The following SUMO2 variants were observed in gnomAD, a reference collection of about 807,000 sequenced individuals.
SUMO2 encodes the protein small ubiquitin-related modifier 2.
A neutral mutation model predicts 16.0 loss-of-function variants in SUMO2; 1 was observed. The ratio of observed to expected loss-of-function variants is 0.06; its 90% CI spans 0.02 to 0.30. SUMO2 has a LOEUF of 0.30. Ranked by LOEUF, SUMO2 falls within the 10% of genes least tolerant of loss-of-function variation. SUMO2 has a pLI of 1.00. For synonymous variants in SUMO2, 36 were observed against 40.6 expected (o/e 0.89, Z 0.43); for missense variants, 16 against 117.5 (o/e 0.14, Z 3.99).
chr17:75,172,499 T>C (rs1166874628), intron 3 of SUMO2, among the ~76,000 whole-genome samples: 1 of 149,760 alleles, frequency 6.7e-6, no homozygotes, highest in Non-Finnish European at 1.5e-5. Flanking sequence ...TTTTTTTTTT[T>C]TTTTTTGAGT....
intron 1 of SUMO2, 163 bp downstream of exon 1, chr17:75,182,635 CGGGAGGGAGGAAGAGA>C: frequency 2.5e-6 from 1 of 404,230 alleles, no homozygotes; most frequent in Non-Finnish European, 3.9e-6. Flanking sequence ...TCCTTCGGCG[CGGGAGGGAGGAAGAGA>C]GGGAGGGAGG....
chr17:75,181,936 C>T (rs2074832203), intron 1 of SUMO2, among the ~76,000 whole-genome samples: 1 of 151,994 alleles, frequency 6.6e-6, no homozygotes, highest in Non-Finnish European at 1.5e-5. Context: ...AGAAGCAATT[C>T]TGTAGCCCTA....
At chr17:75,182,755 C>T in intron 1 of SUMO2, 59 bp downstream of exon 1, 7 of 1,270,594 alleles carry the variant, frequency 5.5e-6, no homozygotes, top group Non-Finnish European at 7.0e-6. Flanking sequence ...TGGCCGGACC[C>T]CGGCCCGCGC....
chr17:75,166,707 C>T lies in SUMO2; in HGVS notation c.*1632G>A, dbSNP rs115713436. 0.029 allele frequency: 4,369 copies of T among 152,218 alleles called. 205 individuals carry two copies. The highest frequency in any genetic ancestry group is 0.098 in the African/African-American group (4,075 of 41,420). The allele number at this position is 152,218 out of a possible 1,614,324, so 9.4% of individuals were successfully genotyped here. A position where few individuals can be genotyped will look rare whatever the true frequency, so the allele number is the denominator to read the frequency against. On this transcript the variant is annotated 3_prime_UTR_variant, in exon 4 of 4. Transcript: ENST00000420826. ...CTGAGCAGGGAGGATCTCTTAAGAC[C>T]TGGAGGTGGAGGTTGCAGTGAGCCA...
intron 3 of SUMO2, among the ~76,000 whole-genome samples, chr17:75,174,519 G>A (rs180781961): frequency 9.9e-5 from 15 of 152,224 alleles, no homozygotes; most frequent in African/African-American, 3.1e-4. Flanking sequence ...GCAACAGAGA[G>A]GCCCTGTCCC....
intron 2 of SUMO2, among the ~76,000 whole-genome samples, chr17:75,178,346 T>A (rs1052205201): frequency 4.6e-5 from 7 of 151,422 alleles, no homozygotes; most frequent in Admixed American, 4.6e-4. Context: ...AAACCCCGTC[T>A]CTACAAAAAA....
chr17:75,177,411 G>A (rs2074791106), intron 2 of SUMO2, among the ~76,000 whole-genome samples: 1 of 152,022 alleles, frequency 6.6e-6, no homozygotes, highest in African/African-American at 2.4e-5. Flanking sequence ...AGGTGCAGTG[G>A]CTCACGCCTA....
intron 2 of SUMO2, among the ~76,000 whole-genome samples, chr17:75,176,084 A>T (rs888760588): frequency 6.6e-6 from 1 of 151,842 alleles, no homozygotes; most frequent in African/African-American, 2.4e-5. Context: ...TCTGTCGCCC[A>T]GGCTGGAGTG....
chr17:75,170,486 C>T (rs1226451056), intron 3 of SUMO2, among the ~76,000 whole-genome samples: 1 of 152,144 alleles, frequency 6.6e-6, no homozygotes, highest in Non-Finnish European at 1.5e-5. Flanking sequence ...AGGAGAATCA[C>T]TTGAACCCGT....
At chr17:75,178,240 C>T (rs975220872) in intron 2 of SUMO2, among the ~76,000 whole-genome samples, 1 of 151,440 alleles carries the variant, frequency 6.6e-6, no homozygotes, top group African/African-American at 2.4e-5. Context: ...CAAGGCCAGG[C>T]ACCAGTGGCT....
chr17:75,180,906 T>C (rs2074824076), intron 2 of SUMO2, 151 bp downstream of exon 2: 2 of 801,702 alleles, frequency 2.5e-6, no homozygotes, highest in East Asian at 2.7e-5. Context: ...GAGCTATCAA[T>C]ATACCAAGTG....
chr17:75,169,424 C>T (rs1029851206), intron 3 of SUMO2, among the ~76,000 whole-genome samples: 2 of 151,054 alleles, frequency 1.3e-5, no homozygotes, highest in African/African-American at 4.9e-5. Flanking sequence ...CCCTGTGTCG[C>T]CCAGGCTGGA....
Position 75,168,224 on chromosome 17 carries a change from A to G in SUMO2, c.*115T>C. On this transcript the variant is annotated 3_prime_UTR_variant, in exon 4 of 4. Coordinates refer to ENST00000420826, the MANE Select transcript of SUMO2 (RefSeq NM_006937.4). ...GGAAGGGGGAAATGAAAGAATAGAG[A>G]AAACTATACGGTAGTAGTCAGGATG... The G allele has an allele frequency of 1.4e-6, 1 of 732,900 alleles. No homozygotes were observed. Among genetic ancestry groups the G allele is most frequent in the Non-Finnish European group, 2.1e-6 (1 of 471,050 alleles). The allele number at this position is 732,900 out of a possible 1,614,324, so 45.4% of individuals were successfully genotyped here.
At chr17:75,169,863 A>AT (rs1555654319) in intron 3 of SUMO2, among the ~76,000 whole-genome samples, 3 of 75,380 alleles carry the variant, frequency 4.0e-5, no homozygotes, top group African/African-American at 6.6e-5. Flanking sequence ...AAAAAAAAAA[A>AT]GGTGGGGGGG....
At chr17:75,179,993 C>CA (rs1484883266) in intron 2 of SUMO2, among the ~76,000 whole-genome samples, 1 of 152,086 alleles carries the variant, frequency 6.6e-6, no homozygotes, top group Admixed American at 6.6e-5. Flanking sequence ...AACTCAAACT[C>CA]AATTTCCCAA....
chr17:75,181,348 G>A (rs184563741), intron 1 of SUMO2, among the ~76,000 whole-genome samples, 160 bp from the exon 2 acceptor site: 2,218 of 152,250 alleles, frequency 0.015, 28 homozygotes, highest in Non-Finnish European at 0.024. Context: ...CAATGTGAAA[G>A]CGGAAAAATC....
chr17:75,176,746 C>G (rs1457898877), intron 2 of SUMO2, among the ~76,000 whole-genome samples: 3 of 152,268 alleles, frequency 2.0e-5, no homozygotes, highest in Middle Eastern at 3.4e-3. Context: ...TAATTACTTA[C>G]TGTCTTACTA....
chr17:75,182,844 C>G lies in SUMO2; in HGVS notation c.-10G>C, dbSNP rs769349607. On this transcript the variant is annotated 5_prime_UTR_variant, in exon 1 of 4. Transcript: ENST00000420826. ...GCTTTTCGTCGGCCATGGCGAGCGCCGGAGTCTCCTCAGCTGCCGCTTCAC... is the reference window on the plus strand; with the variant it reads ...GCTTTTCGTCGGCCATGGCGAGCGCGGGAGTCTCCTCAGCTGCCGCTTCAC... 35 of 1,410,848 alleles carry G rather than the reference C, an allele frequency of 2.5e-5. No individual in the cohort carries two copies. The highest frequency in any genetic ancestry group is 3.2e-5 in the Non-Finnish European group (34 of 1,075,406). The allele number at this position is 1,410,848 out of a possible 1,614,324, so 87.4% of individuals were successfully genotyped here. A position where few individuals can be genotyped will look rare whatever the true frequency, so the allele number is the denominator to read the frequency against.
At chr17:75,178,960 C>G (rs1341888741) in intron 2 of SUMO2, among the ~76,000 whole-genome samples, 1 of 151,906 alleles carries the variant, frequency 6.6e-6, no homozygotes, top group African/African-American at 2.4e-5. Context: ...CACCTCAAAA[C>G]AAAACAAAAA....
Sources: allele counts gnomAD v4.1 joint callset (sites outside exome capture counted in the v4.1 genomes callset), GRCh38; gene constraint gnomAD v4.1.1; transcripts MANE v1.5; gene names NCBI Gene and HGNC (gene_info 2026-07-23, HGNC 2026-07-21).